The following CFAP61 variants were observed in gnomAD, a reference collection of about 807,000 sequenced individuals.
CFAP61 encodes the protein cilia- and flagella-associated protein 61.
A neutral mutation model predicts 135.6 loss-of-function variants in CFAP61; 107 were observed. The observed-to-expected ratio is 0.79, with a 90% CI of 0.67 to 0.93. The LOEUF (loss-of-function observed/expected upper bound fraction) is 0.93, where lower values mean the gene tolerates loss of function less well. CFAP61 is among the 40% of genes least tolerant of loss of function. The pLI is 0.00. For missense variants in CFAP61, 1,507 were observed against 1,556.2 expected, an observed-to-expected ratio of 0.97 and a Z score of 0.53; for synonymous variants, 575 against 578.5, an observed-to-expected ratio of 0.99 and a Z score of 0.09.
chr20:20,277,516 G>C, intron 22 of CFAP61, 58 bp downstream of exon 22: 1 of 1,505,000 alleles, frequency 6.6e-7, no homozygotes, highest in Non-Finnish European at 9.0e-7. Flanking sequence ...ATCTCCAAGG[G>C]ATTTGGGGGT....
rs780141171 is a variant in CFAP61, at chr20:20,098,637, G to T, written c.700-18G>T. The T allele has an allele frequency of 6.8e-7, 1 of 1,461,960 alleles. No individual in the cohort carries two copies. The highest frequency in any genetic ancestry group is 9.2e-7 in the Non-Finnish European group (1 of 1,082,736). 90.6% of individuals were successfully genotyped at this position (1,461,960 alleles called of 1,614,324 possible). A position where few individuals can be genotyped will look rare whatever the true frequency, so the allele number is the denominator to read the frequency against. ...AAAAAAAAAAAAAAAGAATAATGAG[G>T]TGTTTTGGATATTTCAGGTGGAAGG... On this transcript the variant is annotated intron_variant, in intron 7 of 26. Coordinates refer to ENST00000245957, the MANE Select transcript of CFAP61 (RefSeq NM_015585.4).
At chr20:20,174,648 C>G (rs967806273) in intron 13 of CFAP61, among the ~76,000 whole-genome samples, 3 of 152,136 alleles carry the variant, frequency 2.0e-5, no homozygotes, top group African/African-American at 7.2e-5. Context: ...CTTCAGGCAG[C>G]TGATCGTGGC....
intron 7 of CFAP61, among the ~76,000 whole-genome samples, chr20:20,092,639 A>G (rs552472629): frequency 6.6e-6 from 1 of 152,220 alleles, no homozygotes; most frequent in South Asian, 2.1e-4. Context: ...AACAATAGAA[A>G]AATAATCCAC....
chr20:20,196,846 A>C (rs1378322143), intron 16 of CFAP61, 70 bp downstream of exon 16: 7 of 1,256,686 alleles, frequency 5.6e-6, no homozygotes, highest in Non-Finnish European at 8.2e-6. Context: ...TGTACGCCGC[A>C]TTCTATTCAT....
At chr20:20,251,940 C>T (rs563044971) in intron 20 of CFAP61, among the ~76,000 whole-genome samples, 177 bp downstream of exon 20, 21 of 152,316 alleles carry the variant, frequency 1.4e-4, no homozygotes, top group African/African-American at 4.8e-4. Context: ...GAATTATGTC[C>T]GCAAACCCTC....
At position 20,277,310 on chromosome 20, in the gene CFAP61, A is replaced by C. The variant is rs530446683; in HGVS notation, c.2648A>C (p.Glu883Ala). Residue 883 changes from glutamate to alanine, a missense_variant, in exon 22 of 27, where the codon GAG (glutamate) becomes GCG (alanine). By Grantham distance (107) the Glu-to-Ala change is moderately radical. Coordinates refer to ENST00000245957, the MANE Select transcript of CFAP61 (RefSeq NM_015585.4). ...ACCTGCATCAACAACTACTCGGTGG[A>C]GAGCGCCGTGGCGGACGCGCTAGGA... ...TITCINNYSV[E>A]SAVADALGAA... 1.9e-6 allele frequency: 3 copies of C among 1,614,098 alleles called. No individual in the cohort carries two copies. In the African/African-American group the frequency reaches 4.0e-5, roughly 22 times the overall value.
chr20:20,248,023 T>C (rs1309367885), intron 19 of CFAP61, among the ~76,000 whole-genome samples: 1 of 152,320 alleles, frequency 6.6e-6, no homozygotes, highest in East Asian at 1.9e-4. Context: ...AACTATAATA[T>C]AAACACCACA....
intron 8 of CFAP61, among the ~76,000 whole-genome samples, chr20:20,123,214 GTA>G (rs1204272407): frequency 1.3e-5 from 2 of 151,554 alleles, no homozygotes; most frequent in Non-Finnish European, 2.9e-5. Context: ...CTCCCTCTCT[GTA>G]GGTTGTCTGT....
At chr20:20,278,671 C>T (rs2053957118) in intron 22 of CFAP61, among the ~76,000 whole-genome samples, 1 of 152,268 alleles carries the variant, frequency 6.6e-6, no homozygotes, top group East Asian at 1.9e-4. Context: ...CACTCAGGTG[C>T]TGCTAAGGAT....
chr20:20,164,219 A>G lies in CFAP61; in HGVS notation c.1196A>G (p.Tyr399Cys), dbSNP rs770294145. 1.9e-5 allele frequency: 31 copies of G among 1,613,228 alleles called. No homozygotes were observed. The highest frequency in any genetic ancestry group is 8.5e-7 in the Non-Finnish European group (1 of 1,179,632). ...CIQLFCIDEKYEARSLDFMNF... is the reference protein window; with the variant it reads ...CIQLFCIDEKCEARSLDFMNF... ...CAGCTGTTTTGTATTGATGAGAAAT[A>G]TGAAGCAAGGCAAGTACTGACCTTC... Residue 399 changes from tyrosine (Y) to cysteine (C), a missense_variant, in exon 11 of 27, where the codon TAT (tyrosine) becomes TGT (cysteine). Coordinates refer to ENST00000245957, the MANE Select transcript of CFAP61 (RefSeq NM_015585.4).
chr20:20,342,968 C>A lies in CFAP61; in HGVS notation c.3513+1047C>A, dbSNP rs186586230. On this transcript the variant is annotated intron_variant, in intron 26 of 26. Transcript: ENST00000245957. ...CTCTGCCTCTCAGGTTCAAGCGATT[C>A]TCCTGCCTCAGCCTCCCGAGTAGCT... Among the ~76,000 whole-genome samples, 12 of 152,014 alleles carry A rather than the reference C, an allele frequency of 7.9e-5. No individual in the cohort carries two copies. The East Asian group carries it at 2.3e-3, about 29-fold the overall frequency.
chr20:20,127,896 C>T (rs750818486), intron 8 of CFAP61, among the ~76,000 whole-genome samples: 1 of 151,470 alleles, frequency 6.6e-6, no homozygotes, highest in African/African-American at 2.4e-5. Flanking sequence ...GTGAGGTTCC[C>T]AGGTAAGTGG....
At position 20,344,618 on chromosome 20, in the gene CFAP61, G is replaced by A. The variant is rs188343325; in HGVS notation, c.3513+2697G>A. On this transcript the variant is annotated intron_variant, in intron 26 of 26. Transcript: ENST00000245957. ...GGCAGTAACAAATGCTGGCGAGGATGTGGAGAAAGGGGAACCCTCACATAC... is the reference window on the plus strand; with the variant it reads ...GGCAGTAACAAATGCTGGCGAGGATATGGAGAAAGGGGAACCCTCACATAC... Among the ~76,000 whole-genome samples, 121 of 152,340 alleles carry A rather than the reference G, an allele frequency of 7.9e-4. 2 individuals are homozygous for A. Among genetic ancestry groups the A allele is most frequent in the African/African-American group, 2.6e-3 (108 of 41,576 alleles).
chr20:20,128,271 C>A (rs889094008), intron 8 of CFAP61, among the ~76,000 whole-genome samples: 7 of 151,710 alleles, frequency 4.6e-5, no homozygotes, highest in Admixed American at 2.6e-4. Flanking sequence ...GGTGTTTTTC[C>A]CCACTCCTCT....
chr20:20,173,740 A>G (rs2146832024), intron 13 of CFAP61, among the ~76,000 whole-genome samples: 1 of 152,128 alleles, frequency 6.6e-6, no homozygotes, highest in African/African-American at 2.4e-5. Context: ...TGTACTTTAT[A>G]CTCCGCATTC....
chr20:20,330,098 G>C (rs1602049779), intron 25 of CFAP61, among the ~76,000 whole-genome samples: 1 of 152,004 alleles, frequency 6.6e-6, no homozygotes, highest in Non-Finnish European at 1.5e-5. Flanking sequence ...AAATATAACA[G>C]AAGCCACATA....
intron 7 of CFAP61, among the ~76,000 whole-genome samples, chr20:20,096,281 A>G (rs952558845): frequency 1.3e-5 from 2 of 152,258 alleles, no homozygotes; most frequent in African/African-American, 4.8e-5. Flanking sequence ...CTTCCACAAT[A>G]TGTCCTTGCT....
intron 20 of CFAP61, among the ~76,000 whole-genome samples, chr20:20,255,106 C>T (rs2051420364): frequency 6.6e-6 from 1 of 152,200 alleles, no homozygotes; most frequent in Admixed American, 6.5e-5. Flanking sequence ...TATCTACAAC[C>T]TCTCCATTTT....
chr20:20,222,665 T>G (rs1003810373), intron 17 of CFAP61, among the ~76,000 whole-genome samples: 2 of 152,204 alleles, frequency 1.3e-5, no homozygotes, highest in Non-Finnish European at 2.9e-5. Flanking sequence ...TTGAAACTTT[T>G]TAATTATTTT....
Sources: gnomAD v4.1 joint callset for allele counts (sites outside exome capture counted in the v4.1 genomes callset) on GRCh38, gnomAD v4.1.1 for gene constraint, MANE v1.5 for transcripts, NCBI Gene and HGNC (gene_info 2026-07-23, HGNC 2026-07-21) for gene names.